Variants in FAM120A observed in about 807,000 individuals in gnomAD.
The protein encoded by FAM120A is family with sequence similarity 120 member A, also known as constitutive coactivator of PPAR-gamma-like protein 1.
A neutral mutation model predicts 109.7 loss-of-function variants in FAM120A; 15 were observed. That is an observed-to-expected ratio of 0.14 (90% CI 0.09 to 0.21). FAM120A has a LOEUF of 0.21. Ranked by LOEUF, FAM120A falls within the 10% of genes least tolerant of loss-of-function variation. The pLI, the probability that FAM120A is intolerant of heterozygous loss-of-function variation, is 1.00. For synonymous variants in FAM120A, 493 were observed against 572.8 expected (o/e 0.86, Z 1.99); for missense variants, 899 against 1,439.3 (o/e 0.62, Z 6.07).
chr9:93,514,772 G>C (rs1287715646), intron 5 of FAM120A, among the ~76,000 whole-genome samples: 1 of 152,190 alleles, frequency 6.6e-6, no homozygotes, highest in Non-Finnish European at 1.5e-5. Flanking sequence ...CCCTTTATGG[G>C]CACCATCTAC....
chr9:93,521,236 A>G (rs895351399), intron 7 of FAM120A, among the ~76,000 whole-genome samples: 4 of 152,230 alleles, frequency 2.6e-5, no homozygotes, highest in Non-Finnish European at 4.4e-5. Context: ...CTCTCTTTCT[A>G]GCATGTCCCT....
intron 2 of FAM120A, among the ~76,000 whole-genome samples, chr9:93,472,469 C>T (rs1858352891): frequency 6.6e-6 from 1 of 152,100 alleles, no homozygotes; most frequent in African/African-American, 2.4e-5. Flanking sequence ...GGAGGCACTC[C>T]TGTGATTAGA....
In FAM120A at chr9:93,476,306, C is replaced by T; in HGVS notation, c.772C>T (p.Leu258Phe). 5.0e-6 allele frequency: 8 copies of T among 1,609,832 alleles called. No homozygotes were observed. The highest frequency in any genetic ancestry group is 6.8e-6 in the Non-Finnish European group (8 of 1,176,252). ...EDLASFHWSL[L>F]GPEHPLASLK... Reference sequence around the variant, plus strand: ...TCTGGCTTCCTTTCACTGGAGTTTACTTGGTCCAGAACATCCACTAGCCTC... The same window carrying T: ...TCTGGCTTCCTTTCACTGGAGTTTATTTGGTCCAGAACATCCACTAGCCTC... The change falls in exon 3 of 18, where the codon CTT becomes TTT. Residue 258 changes from leucine to phenylalanine, a missense_variant. By Grantham distance (22) the Leu-to-Phe change is conservative. Coordinates refer to ENST00000277165, the MANE Select transcript of FAM120A (RefSeq NM_014612.5).
At chr9:93,555,665 G>A (rs1287361050) in intron 12 of FAM120A, among the ~76,000 whole-genome samples, 3 of 152,166 alleles carry the variant, frequency 2.0e-5, no homozygotes, top group Non-Finnish European at 4.4e-5. Context: ...CACTAGAAGC[G>A]TGGGCTCTAC....
chr9:93,497,467 T>G lies in FAM120A; in HGVS notation c.805-4T>G, dbSNP rs755137943. The G allele has an allele frequency of 9.4e-5, 151 of 1,612,532 alleles. No individual in the cohort carries two copies. The highest frequency in any genetic ancestry group is 1.2e-4 in the Non-Finnish European group (145 of 1,179,558). ...ACTGTTGACACTTACGTTTGTTTTC[T>G]CAGGTCCGGGCCCACCAGCTGGTCT... On this transcript the variant is annotated splice_polypyrimidine_tract_variant and splice_region_variant and intron_variant, in intron 3 of 17. Coordinates refer to ENST00000277165, the MANE Select transcript of FAM120A (RefSeq NM_014612.5).
chr9:93,482,595 G>T (rs1858868826), intron 3 of FAM120A, among the ~76,000 whole-genome samples: 2 of 152,046 alleles, frequency 1.3e-5, no homozygotes, highest in Admixed American at 1.3e-4. Flanking sequence ...TGTCCTTTAG[G>T]GCCAGCAGTT....
At chr9:93,562,089 G>T in intron 16 of FAM120A, 119 bp from the exon 17 acceptor site, 1 of 826,290 alleles carries the variant, frequency 1.2e-6, no homozygotes, top group Non-Finnish European at 1.9e-6. Flanking sequence ...GGCATAAATG[G>T]GTTAATTCAG....
At position 93,498,906 on chromosome 9, in the gene FAM120A, T is replaced by A; in HGVS notation, c.1030+20T>A. 1 of 1,286,194 alleles carries A rather than the reference T, an allele frequency of 7.8e-7. No individual in the cohort carries two copies. The highest frequency in any genetic ancestry group is 1.1e-6 in the Non-Finnish European group (1 of 880,936). The allele number at this position is 1,286,194 out of a possible 1,614,324, so 79.7% of individuals were successfully genotyped here. A position where few individuals can be genotyped will look rare whatever the true frequency, so the allele number is the denominator to read the frequency against. On this transcript the variant is annotated intron_variant, in intron 5 of 17. Coordinates refer to ENST00000277165, the MANE Select transcript of FAM120A (RefSeq NM_014612.5). This position sits in a 1 kb window ranked among gnomAD's most constrained non-coding sequence, Gnocchi z 4.4. ...ACTTAGGTAAGTAAATAAAAGCCTG[T>A]GATCAATATTGACCATATGATAATC...
chr9:93,494,005 C>T (rs1005399187), intron 3 of FAM120A, among the ~76,000 whole-genome samples: 26 of 152,310 alleles, frequency 1.7e-4, no homozygotes, highest in African/African-American at 5.5e-4. Context: ...AGGTCTGACA[C>T]ATGCGGTTTA....
chr9:93,526,118 A>C (rs918298450), intron 7 of FAM120A, among the ~76,000 whole-genome samples: 1 of 152,190 alleles, frequency 6.6e-6, no homozygotes, highest in African/African-American at 2.4e-5. Context: ...TTCAGAAGGT[A>C]GTTTGGGCAT....
chr9:93,469,952 G>C (rs1858235969), intron 1 of FAM120A, among the ~76,000 whole-genome samples: 1 of 152,188 alleles, frequency 6.6e-6, no homozygotes, highest in Non-Finnish European at 1.5e-5. Flanking sequence ...AGAATTTTCT[G>C]ACGTAGTGAG....
At chr9:93,538,786 T>G (rs1027013425) in intron 10 of FAM120A, among the ~76,000 whole-genome samples, 2 of 152,196 alleles carry the variant, frequency 1.3e-5, no homozygotes, top group Non-Finnish European at 2.9e-5. Flanking sequence ...GATCCCAAAG[T>G]CAGCATTATA....
rs1399154221 is a variant in FAM120A, at chr9:93,565,423, T to C, written c.*883T>C. ...TTCCATTCTTAACAGTATGTGCCCATTTGCAAAACAAAAATGCTAATAATC... is the reference window on the plus strand; with the variant it reads ...TTCCATTCTTAACAGTATGTGCCCACTTGCAAAACAAAAATGCTAATAATC... On this transcript the variant is annotated 3_prime_UTR_variant, in exon 18 of 18. Coordinates refer to ENST00000277165, the MANE Select transcript of FAM120A (RefSeq NM_014612.5). 6.6e-6 allele frequency: 1 copy of C among 152,602 alleles called. No individual in the cohort carries two copies. Among genetic ancestry groups the C allele is most frequent in the Non-Finnish European group, 1.5e-5 (1 of 68,016 alleles). The allele number at this position is 152,602 out of a possible 1,614,324, so 9.5% of individuals were successfully genotyped here.
chr9:93,451,997 C>T lies in FAM120A; in HGVS notation c.82C>T (p.Arg28Trp). Residue 28 changes from arginine (R) to tryptophan (W), a missense_variant, in exon 1 of 18, where the codon CGG becomes TGG. Around this residue, in one of 11 missense-constraint regions of FAM120A, gnomAD observed 258 missense variants for 451.4 expected, o/e 0.57. Coordinates refer to ENST00000277165, the MANE Select transcript of FAM120A (RefSeq NM_014612.5). The part of the protein sequence containing the change: ...VVPVELQKLA[R>W]GSLVGGGRQR... ...GCCGGTGGAGCTGCAGAAGCTGGCC[C>T]GGGGCAGCCTGGTGGGCGGCGGGCG... is the stretch of plus-strand genomic sequence containing the variant. 6.5e-7 allele frequency: 1 copy of T among 1,549,754 alleles called. No individual in the cohort carries two copies. Among genetic ancestry groups the T allele is most frequent in the Non-Finnish European group, 8.7e-7 (1 of 1,148,250 alleles).
At chr9:93,490,637 C>T (rs1859272916) in intron 3 of FAM120A, among the ~76,000 whole-genome samples, 1 of 152,118 alleles carries the variant, frequency 6.6e-6, no homozygotes, top group South Asian at 2.1e-4. Context: ...AGTGAGACTG[C>T]AGATTTTTAA....
In FAM120A at chr9:93,452,749, T is replaced by C. The variant is rs2131169613; in HGVS notation, c.474+360T>C. On this transcript the variant is annotated intron_variant, in intron 1 of 17. Transcript: ENST00000277165. This position sits in a 1 kb window ranked among gnomAD's most constrained non-coding sequence, Gnocchi z 7.0. Reference sequence around the variant, plus strand: ...GCAGGCTATCACTCACCTTCAACTTTGACAAAATACTCCCTTTTCTAATTT... The same window carrying C: ...GCAGGCTATCACTCACCTTCAACTTCGACAAAATACTCCCTTTTCTAATTT... 6.3e-7 allele frequency: 1 copy of C among 1,597,086 alleles called. No homozygotes were observed. Among genetic ancestry groups the C allele is most frequent in the Non-Finnish European group, 8.5e-7 (1 of 1,179,544 alleles).
intron 12 of FAM120A, among the ~76,000 whole-genome samples, chr9:93,555,940 C>T (rs1316471035): frequency 6.6e-6 from 1 of 152,108 alleles, no homozygotes; most frequent in African/African-American, 2.4e-5. Context: ...TTTAAAAATG[C>T]AGAATCTTAA....
intron 10 of FAM120A, among the ~76,000 whole-genome samples, chr9:93,539,660 A>G (rs1244214153): frequency 6.6e-6 from 1 of 152,238 alleles, no homozygotes; most frequent in Non-Finnish European, 1.5e-5. Context: ...AGGTTTCTGT[A>G]AAAACTCAGA....
intron 17 of FAM120A, among the ~76,000 whole-genome samples, chr9:93,563,682 T>C (rs1225997578): frequency 1.3e-5 from 2 of 152,246 alleles, no homozygotes; most frequent in African/African-American, 4.8e-5. Context: ...GGACCATTTT[T>C]TTCAGAGGCT....
Sources: gnomAD v4.1 joint callset for allele counts (sites outside exome capture counted in the v4.1 genomes callset) on GRCh38, gnomAD v4.1.1 for gene constraint, gnomAD v4.1.1 regional missense constraint, Gnocchi (gnomAD v3.1) non-coding constraint, MANE v1.5 for transcripts, NCBI Gene and HGNC (gene_info 2026-07-23, HGNC 2026-07-21) for gene names.